BBS2: variants seen among roughly 807,000 people sequenced by gnomAD.
The protein encoded by BBS2 is Bardet-Biedl syndrome 2.
In BBS2, 62 loss-of-function variants were observed where a neutral mutation model predicts 83.0. That is an observed-to-expected ratio of 0.75 (90% confidence interval 0.61 to 0.92). The LOEUF is 0.92. BBS2 is among the 40% of genes least tolerant of loss of function. BBS2 has a pLI of 0.00. For missense variants in BBS2, 784 were observed against 901.0 expected (o/e 0.87, Z 1.66); for synonymous variants, 303 against 326.1 (o/e 0.93, Z 0.76).
chr16:56,471,916 C>CT (rs1245032870), intron 17 of BBS2, among the ~76,000 whole-genome samples: 1 of 152,180 alleles, frequency 6.6e-6, no homozygotes, highest in Non-Finnish European at 1.5e-5. Context: ...TCCATGGAGT[C>CT]TGTCTCAAAG....
exon 18 of BBS2, chr16:56,470,480 T>TA: frequency 6.3e-7 from 1 of 1,593,042 alleles, no homozygotes; most frequent in Non-Finnish European, 8.5e-7. Flanking sequence ...ACATTGCTGT[T>TA]TTTCAGGTTT....
intron 7 of BBS2, among the ~76,000 whole-genome samples, chr16:56,504,804 T>A (rs1964379385): frequency 6.6e-6 from 1 of 152,236 alleles, no homozygotes; most frequent in African/African-American, 2.4e-5. Context: ...ACTGCTATGA[T>A]CTGAATGTTT....
chr16:56,497,969 A>C, intron 13 of BBS2, 89 bp from the exon 14 acceptor site: 1 of 1,383,890 alleles, frequency 7.2e-7, no homozygotes, highest in Non-Finnish European at 1.0e-6. Context: ...CATACTCAAC[A>C]AAATTATTGT....
intron 11 of BBS2, 175 bp from the exon 12 acceptor site, chr16:56,500,082 T>C: frequency 2.9e-6 from 2 of 682,294 alleles, no homozygotes; most frequent in Admixed American, 4.9e-5. Flanking sequence ...ATATTAGGTT[T>C]GGGATTTAAA....
At position 56,498,419 on chromosome 16, in the gene BBS2, C is replaced by T. The variant is rs371421381; in HGVS notation, c.1659+18G>A. The T allele has an allele frequency of 1.5e-4, 234 of 1,613,504 alleles. 1 individual carries two copies. The African/African-American group carries it at 2.6e-3, about 18-fold the overall frequency. The stretch of plus-strand genomic sequence containing the variant: ...AAATTCAAAAAAGAAATCTATGCCC[C>T]GTGATATTAAACATTACCTCTCCAC... On this transcript the variant is annotated intron_variant, in intron 13 of 16. Coordinates refer to ENST00000245157, the MANE Select transcript of BBS2 (RefSeq NM_031885.5).
chr16:56,473,975 A>G (rs761446420), intron 17 of BBS2, among the ~76,000 whole-genome samples: 15 of 151,792 alleles, frequency 9.9e-5, no homozygotes, highest in Admixed American at 1.3e-4. Flanking sequence ...CTCAGCTAAT[A>G]TTTTCGTATT....
intron 1 of BBS2, among the ~76,000 whole-genome samples, chr16:56,516,366 C>CT (rs1964749479): frequency 6.6e-6 from 1 of 152,154 alleles, no homozygotes; most frequent in Non-Finnish European, 1.5e-5. Flanking sequence ...GAGGAAAACT[C>CT]TAATATTCAC....
intron 15 of BBS2, among the ~76,000 whole-genome samples, chr16:56,490,352 A>C (rs1330450161): frequency 6.6e-6 from 1 of 152,048 alleles, no homozygotes; most frequent in Non-Finnish European, 1.5e-5. Flanking sequence ...AGTAATTCAA[A>C]ATGTAAAAGT....
At chr16:56,471,384 A>C (rs1469910312) in intron 17 of BBS2, among the ~76,000 whole-genome samples, 1 of 151,988 alleles carries the variant, frequency 6.6e-6, no homozygotes, top group African/African-American at 2.4e-5. Flanking sequence ...AAAAAAAGAA[A>C]TGACTGAGTA....
intron 15 of BBS2, among the ~76,000 whole-genome samples, chr16:56,494,961 CG>C (rs1964074092): frequency 8.3e-6 from 1 of 120,688 alleles, no homozygotes; most frequent in Admixed American, 9.4e-5. Flanking sequence ...GACTCCGTCT[CG>C]AAAAAAAAAA....
chr16:56,493,716 ACT>A (rs1426193874), intron 15 of BBS2, among the ~76,000 whole-genome samples: 12 of 152,202 alleles, frequency 7.9e-5, no homozygotes, highest in African/African-American at 2.4e-4. Flanking sequence ...AATGAACCTA[ACT>A]CTCTATCAAA....
intron 17 of BBS2, among the ~76,000 whole-genome samples, chr16:56,474,444 C>T (rs755448907): frequency 1.8e-4 from 28 of 151,566 alleles, no homozygotes; most frequent in Non-Finnish European, 3.2e-4. Context: ...CCTTAAGCCT[C>T]CCGGGTAGCT....
At chr16:56,519,330 C>CAAA (rs35141671) in intron 1 of BBS2, among the ~76,000 whole-genome samples, 3 of 55,692 alleles carry the variant, frequency 5.4e-5, no homozygotes, top group East Asian at 5.4e-4. Context: ...GACTCCGTCT[C>CAAA]AAAAAAAAAA....
intron 2 of BBS2, 122 bp downstream of exon 2, chr16:56,514,331 T>G: frequency 1.1e-6 from 1 of 888,578 alleles, no homozygotes; most frequent in Non-Finnish European, 1.8e-6. Context: ...TCCATGTTGT[T>G]TACCTATACT....
chr16:56,471,023 T>C (rs1963147960), intron 17 of BBS2, among the ~76,000 whole-genome samples: 1 of 152,104 alleles, frequency 6.6e-6, no homozygotes, highest in Non-Finnish European at 1.5e-5. Flanking sequence ...TGATAAGTGC[T>C]ATGCAAAACA....
At chr16:56,506,059 A>G in intron 6 of BBS2, 23 bp from the exon 7 acceptor site, 2 of 1,611,952 alleles carry the variant, frequency 1.2e-6, no homozygotes, top group South Asian at 2.2e-5. Context: ...TTTAATAATT[A>G]GCACAGAAGT....
chr16:56,503,337 C>G (rs1248532494), intron 7 of BBS2, among the ~76,000 whole-genome samples: 1 of 152,108 alleles, frequency 6.6e-6, no homozygotes, highest in African/African-American at 2.4e-5. Context: ...CACAGAAGTA[C>G]GTAATAAATG....
chr16:56,489,448 T>A (rs1401955843), intron 15 of BBS2, among the ~76,000 whole-genome samples: 2 of 151,958 alleles, frequency 1.3e-5, no homozygotes, highest in African/African-American at 4.8e-5. Context: ...TACAGAAATA[T>A]GATATATGAT....
At chr16:56,480,366 C>CAAAAAAAAA (rs1157907841), downstream of BBS2, among the ~76,000 whole-genome samples, 1 of 90,228 alleles carries the variant, frequency 1.1e-5, no homozygotes, top group Non-Finnish European at 2.3e-5. Context: ...AAAAAAAAAA[C>CAAAAAAAAA]AAAAAAAAAA....
Sources: allele counts gnomAD v4.1 joint callset (sites outside exome capture counted in the v4.1 genomes callset), GRCh38; gene constraint gnomAD v4.1.1; transcripts MANE v1.5; gene names NCBI Gene and HGNC (gene_info 2026-07-23, HGNC 2026-07-21).